CSMD1: variants seen among roughly 807,000 people sequenced by gnomAD.
The protein encoded by CSMD1 is CUB and sushi domain-containing protein 1.
A neutral mutation model predicts 417.5 loss-of-function variants in CSMD1; 213 were observed. That is an observed-to-expected ratio of 0.51 (90% CI 0.46 to 0.57). The LOEUF (loss-of-function observed/expected upper bound fraction) is 0.57. CSMD1 is among the 20% of genes least tolerant of loss of function. The pLI is 0.00. For synonymous variants in CSMD1, 2,862 were observed against 1,736.8 expected, an observed-to-expected ratio of 1.65 and a Z score of -16.11; for missense variants, 6,923 against 4,529.7, an observed-to-expected ratio of 1.53 and a Z score of -15.17.
intron 4 of CSMD1, among the ~76,000 whole-genome samples, chr8:4,018,202 A>G (rs937736080): frequency 2.0e-5 from 3 of 152,220 alleles, no homozygotes; most frequent in South Asian, 2.1e-4. Context: ...TAATTTAAAA[A>G]TATTTTCCAG....
chr8:4,200,345 G>T (rs973176084), intron 3 of CSMD1, among the ~76,000 whole-genome samples: 6 of 152,010 alleles, frequency 3.9e-5, no homozygotes, highest in Non-Finnish European at 7.4e-5. Context: ...TTTAGAGTCT[G>T]CTTAGCAAAG....
intron 2 of CSMD1, among the ~76,000 whole-genome samples, chr8:4,567,083 T>A (rs1401616586): frequency 6.6e-6 from 1 of 151,708 alleles, no homozygotes; most frequent in South Asian, 2.1e-4. Flanking sequence ...TTAAATTTAT[T>A]AATCTGTATT....
Position 4,180,108 on chromosome 8 carries a change from C to G in CSMD1, c.416-148009G>C, listed in dbSNP as rs1798271212. The stretch of plus-strand genomic sequence containing the variant: ...TACCCAAAGACTATAAATCATGCTG[C>G]TATGAAGACACATTCACACATATGT... On this transcript the variant is annotated intron_variant, in intron 3 of 69. Transcript: ENST00000635120. 2.0e-5 allele frequency among the ~76,000 whole-genome samples: 3 copies of G among 152,084 alleles called. No homozygotes were observed. In the South Asian group the frequency reaches 6.2e-4, roughly 32 times the overall value.
intron 5 of CSMD1, among the ~76,000 whole-genome samples, chr8:3,912,412 G>A (rs934532983): frequency 5.9e-5 from 9 of 152,154 alleles, no homozygotes; most frequent in Admixed American, 5.9e-4. Context: ...GGGACAAATA[G>A]GGTGGGACGA....
At chr8:3,706,367 A>G (rs1801170564) in intron 7 of CSMD1, among the ~76,000 whole-genome samples, 1 of 152,232 alleles carries the variant, frequency 6.6e-6, no homozygotes, top group African/African-American at 2.4e-5. Context: ...CATCAGTGAA[A>G]CAATTTCATT....
chr8:4,667,429 A>T (rs116406709), intron 1 of CSMD1, among the ~76,000 whole-genome samples: 3,965 of 151,514 alleles, frequency 0.026, 145 homozygotes, highest in African/African-American at 0.082. Flanking sequence ...TTGAATCCAG[A>T]GAACAATTTA....
chr8:4,873,344 T>C (rs1284380333), intron 1 of CSMD1, among the ~76,000 whole-genome samples: 3 of 152,258 alleles, frequency 2.0e-5, no homozygotes, highest in Non-Finnish European at 4.4e-5. Context: ...TATGTGTGTT[T>C]GGTTTGTATG....
intron 1 of CSMD1, among the ~76,000 whole-genome samples, chr8:4,749,087 C>T (rs1673257): frequency 0.3 from 44,943 of 152,152 alleles, 7,302 homozygotes; most frequent in African/African-American, 0.44. Context: ...CGCTCGCCTG[C>T]CCATGCAGTC....
intron 25 of CSMD1, among the ~76,000 whole-genome samples, chr8:3,294,537 C>A (rs918478285): frequency 1.4e-5 from 2 of 147,048 alleles, no homozygotes; most frequent in African/African-American, 2.4e-5. Context: ...GCCCCTCCCC[C>A]AGCCTCGCTG....
intron 26 of CSMD1, among the ~76,000 whole-genome samples, chr8:3,281,456 G>A (rs948076985): frequency 6.6e-6 from 1 of 152,014 alleles, no homozygotes; most frequent in Non-Finnish European, 1.5e-5. Flanking sequence ...GGAAAAAAAC[G>A]GGTAAATAAA....
rs187376719 is a variant in CSMD1, at chr8:4,869,560, T to C, written c.85+124772A>G. ...ATATTTTTTTACTGCATGGCTGTTA[T>C]GAAAAGCCTATTTTGTGTTAAATGT... On this transcript the variant is annotated intron_variant, in intron 1 of 69. Coordinates refer to ENST00000635120, the MANE Select transcript of CSMD1 (RefSeq NM_033225.6). 1.3e-3 allele frequency among the ~76,000 whole-genome samples: 203 copies of C among 152,206 alleles called. 1 individual carries two copies. Among genetic ancestry groups the C allele is most frequent in the Admixed American group, 7.4e-3 (113 of 15,300 alleles).
At chr8:3,931,547 A>G (rs560929508) in intron 5 of CSMD1, among the ~76,000 whole-genome samples, 1 of 150,184 alleles carries the variant, frequency 6.7e-6, no homozygotes, top group Admixed American at 6.6e-5. Flanking sequence ...TGTTTAACAA[A>G]CTTCTTGTGG....
chr8:3,602,867 T>C (rs17066561), intron 8 of CSMD1, among the ~76,000 whole-genome samples: 19,469 of 152,192 alleles, frequency 0.13, 2,176 homozygotes, highest in East Asian at 0.29. Context: ...AACTATGTTT[T>C]GTATTTTGAA....
chr8:4,771,941 C>G (rs546711283), intron 1 of CSMD1, among the ~76,000 whole-genome samples: 3 of 152,204 alleles, frequency 2.0e-5, no homozygotes. Context: ...TCCCGGGGAT[C>G]TCGTGATAAT....
intron 2 of CSMD1, among the ~76,000 whole-genome samples, chr8:4,578,850 G>C: frequency 7.0e-6 from 1 of 142,964 alleles, no homozygotes; most frequent in South Asian, 2.3e-4. Flanking sequence ...TTTACAAGCA[G>C]AAATGGCGGC....
Position 3,029,363 on chromosome 8 carries a change from G to A in CSMD1, c.7811C>T (p.Ala2604Val). 6.2e-7 allele frequency: 1 copy of A among 1,610,714 alleles called. No homozygotes were observed. The highest frequency in any genetic ancestry group is 8.5e-7 in the Non-Finnish European group (1 of 1,179,278). The change falls in exon 51 of 70, where the codon GCC (alanine) becomes GTC (valine). Residue 2604 changes from alanine (A) to valine (V), a missense_variant. Physicochemically the swap from Ala to Val is moderately conservative, Grantham distance 64. Transcript: ENST00000635120. ...LEGWRLLRCQ[A>V]NGTWNIGDER... is the part of the protein sequence containing the mutation. Reference sequence around the variant, plus strand: ...ATCTCCTATGTTCCACGTCCCATTGGCCTGGCACCGCAGGAGCCTCCAGCC... The same window carrying A: ...ATCTCCTATGTTCCACGTCCCATTGACCTGGCACCGCAGGAGCCTCCAGCC...
chr8:3,129,845 C>T (rs1406649717), intron 41 of CSMD1, among the ~76,000 whole-genome samples: 1 of 151,920 alleles, frequency 6.6e-6, no homozygotes, highest in African/African-American at 2.4e-5. Flanking sequence ...AAAATTTAGC[C>T]GGGCATGTTG....
intron 3 of CSMD1, among the ~76,000 whole-genome samples, chr8:4,238,817 C>G (rs1802219723): frequency 6.6e-6 from 1 of 152,092 alleles, no homozygotes. Context: ...ATGCTTTGGC[C>G]CACACTCAAA....
At chr8:4,503,771 G>A (rs1442957833) in intron 2 of CSMD1, among the ~76,000 whole-genome samples, 1 of 151,974 alleles carries the variant, frequency 6.6e-6, no homozygotes, top group Non-Finnish European at 1.5e-5. Context: ...TATGTCTCGG[G>A]AACTATCAGG....
Sources: gnomAD v4.1 joint callset for allele counts (sites outside exome capture counted in the v4.1 genomes callset) on GRCh38, gnomAD v4.1.1 for gene constraint, MANE v1.5 for transcripts, NCBI Gene and HGNC (gene_info 2026-07-23, HGNC 2026-07-21) for gene names.